Variants in C4orf50 observed in about 807,000 individuals in gnomAD.
The protein encoded by C4orf50 is uncharacterized protein C4orf50.
A neutral mutation model predicts 77.2 loss-of-function variants in C4orf50; 80 were observed. The ratio of observed to expected loss-of-function variants is 1.04; its 90% confidence interval spans 0.87 to 1.25. The LOEUF (loss-of-function observed/expected upper bound fraction) is 1.25. Among genes scored for constraint, C4orf50 ranks in the 50% most tolerant of loss-of-function variants. C4orf50 has a pLI of 0.00. For missense variants in C4orf50, 1,257 were observed against 1,152.9 expected (o/e 1.09, Z -1.31); for synonymous variants, 532 against 465.3 (o/e 1.14, Z -1.84).
At chr4:5,959,335 A>G (rs1259008066) in exon 34 of C4orf50, 4 of 1,591,274 alleles carry the variant, frequency 2.5e-6, no homozygotes, top group Admixed American at 1.7e-5. Flanking sequence ...TCAAATATTT[A>G]TGGAGTCTAT....
At chr4:6,001,087 C>T (rs1432866250) in intron 25 of C4orf50, among the ~76,000 whole-genome samples, 1 of 152,216 alleles carries the variant, frequency 6.6e-6, no homozygotes, top group Admixed American at 6.5e-5. Context: ...ATTCTCCTAA[C>T]CTGGTTTTTC....
chr4:5,994,943 CG>C (rs1560591865), intron 25 of C4orf50, among the ~76,000 whole-genome samples: 1 of 152,114 alleles, frequency 6.6e-6, no homozygotes, highest in East Asian at 1.9e-4. Flanking sequence ...TTGTGAACTG[CG>C]TAAGCGAGAG....
Position 5,919,305 on chromosome 4 carries a change from T to C in C4orf50, c.*2475-21117A>G, listed in dbSNP as rs973077923. On this transcript the variant is annotated intron_variant, in intron 7 of 7. Coordinates refer to the C4orf50 transcript ENST00000324058. This position sits in a 1 kb window ranked among gnomAD's most constrained non-coding sequence, Gnocchi z 6.5. ...GCCCGATTTCCATGGCTACCACAGC[T>C]CAGGAAGGTTCTAGAAGTCTGGATG... 6.6e-6 allele frequency among the ~76,000 whole-genome samples: 1 copy of C among 151,860 alleles called. No homozygotes were observed. Among genetic ancestry groups the C allele is most frequent in the African/African-American group, 2.4e-5 (1 of 41,308 alleles).
At chr4:5,928,923 T>C (rs1717639383) in intron 7 of C4orf50, among the ~76,000 whole-genome samples, 1 of 152,260 alleles carries the variant, frequency 6.6e-6, no homozygotes, top group Non-Finnish European at 1.5e-5. Context: ...TGGGGGGTTT[T>C]GACTTTGCAT....
At chr4:6,002,571 G>T (rs1422621476) in intron 25 of C4orf50, among the ~76,000 whole-genome samples, 1 of 152,200 alleles carries the variant, frequency 6.6e-6, no homozygotes, top group South Asian at 2.1e-4. Context: ...CTTGCCTGCT[G>T]CTGTCACTCT....
chr4:6,010,599 T>C (rs1235742614), intron 24 of C4orf50, among the ~76,000 whole-genome samples: 2 of 152,230 alleles, frequency 1.3e-5, no homozygotes, highest in African/African-American at 4.8e-5. Context: ...TGATTTTAAG[T>C]GCTAGTTGTA....
At chr4:5,994,173 G>T (rs1268567111) in intron 26 of C4orf50, among the ~76,000 whole-genome samples, 174 bp downstream of exon 4, 2 of 152,224 alleles carry the variant, frequency 1.3e-5, no homozygotes, top group Non-Finnish European at 2.9e-5. Context: ...ACCTGCAGCA[G>T]CTGTGTGACC....
intron 25 of C4orf50, among the ~76,000 whole-genome samples, chr4:6,003,688 G>T (rs528817604): frequency 6.7e-6 from 1 of 150,052 alleles, no homozygotes; most frequent in Non-Finnish European, 1.5e-5. Context: ...TAGTGATGAT[G>T]GTGATGATAG....
At position 5,919,946 on chromosome 4, in the gene C4orf50, C is replaced by T. The variant is rs902229522; in HGVS notation, c.*2475-21758G>A. 2.0e-5 allele frequency among the ~76,000 whole-genome samples: 3 copies of T among 152,214 alleles called. No individual in the cohort carries two copies. Among genetic ancestry groups the T allele is most frequent in the African/African-American group, 7.2e-5 (3 of 41,454 alleles). ...GAAAACTTAGTCTGTGTTCAACACG[C>T]ACAGACTTTTCTTGTCATCATTCCC... On this transcript the variant is annotated intron_variant, in intron 7 of 7. Coordinates refer to the C4orf50 transcript ENST00000324058. This position sits in a 1 kb window ranked among gnomAD's most constrained non-coding sequence, Gnocchi z 6.5.
intron 7 of C4orf50, among the ~76,000 whole-genome samples, chr4:5,927,910 T>A (rs1037981690): frequency 3.3e-5 from 5 of 152,134 alleles, no homozygotes; most frequent in African/African-American, 1.2e-4. Flanking sequence ...CCCCAACACC[T>A]GCCTGGGTCC....
chr4:5,940,241 G>A (rs889319625), intron 7 of C4orf50, among the ~76,000 whole-genome samples: 1 of 152,138 alleles, frequency 6.6e-6, no homozygotes, highest in African/African-American at 2.4e-5. Context: ...ATCCTTTATG[G>A]GAAATAAAGC....
intron 7 of C4orf50, among the ~76,000 whole-genome samples, chr4:5,910,661 A>C (rs1184317125): frequency 6.6e-6 from 1 of 152,170 alleles, no homozygotes; most frequent in Non-Finnish European, 1.5e-5. Context: ...TTCCTCAACC[A>C]ATAACCTCTC....
chr4:6,014,590 C>T (rs1172777913), intron 23 of C4orf50, among the ~76,000 whole-genome samples: 2 of 152,208 alleles, frequency 1.3e-5, no homozygotes, highest in African/African-American at 4.8e-5. Context: ...CCAGCTAGAC[C>T]CAAACACATT....
intron 33 of C4orf50, among the ~76,000 whole-genome samples, chr4:5,961,267 A>G (rs1164330691): frequency 6.6e-6 from 1 of 152,236 alleles, no homozygotes; most frequent in Non-Finnish European, 1.5e-5. Flanking sequence ...GTGAGCCGAG[A>G]TCGTGCCTCT....
downstream of C4orf50, among the ~76,000 whole-genome samples, chr4:5,953,505 T>G (rs1718817222): frequency 6.6e-6 from 1 of 152,146 alleles, no homozygotes; most frequent in Non-Finnish European, 1.5e-5. Context: ...AGGATGCAGG[T>G]GCTGGGACTA....
chr4:5,935,558 C>T (rs1169641567), intron 7 of C4orf50, among the ~76,000 whole-genome samples: 3 of 152,042 alleles, frequency 2.0e-5, no homozygotes, highest in Admixed American at 6.6e-5. Flanking sequence ...GAGGTCAAGG[C>T]AGGCGGATAA....
At position 6,011,368 on chromosome 4, in the gene C4orf50, C is replaced by A. The variant is rs1722488018; in HGVS notation, c.426+462G>T. ...CGTGCTGTCAGCCACGCCTCACATG[C>A]CCTTCCCAACAAGGCCCAGCTCACA... On this transcript the variant is annotated intron_variant, in intron 24 of 33. Coordinates refer to ENST00000531445, the Ensembl canonical transcript of C4orf50. This position sits in a 1 kb window ranked among gnomAD's most constrained non-coding sequence, Gnocchi z 4.2. Among the ~76,000 whole-genome samples, 1 of 152,126 alleles carries A rather than the reference C, an allele frequency of 6.6e-6. No individual in the cohort carries two copies. The highest frequency in any genetic ancestry group is 1.5e-5 in the Non-Finnish European group (1 of 68,010).
At chr4:5,943,911 A>T (rs551405955) in intron 7 of C4orf50, among the ~76,000 whole-genome samples, 316 of 152,298 alleles carry the variant, frequency 2.1e-3, no homozygotes, top group African/African-American at 7.1e-3. Flanking sequence ...AGATACAAAG[A>T]TGGATGCTGA....
intron 7 of C4orf50, among the ~76,000 whole-genome samples, chr4:5,921,472 G>A (rs1362545673): frequency 2.6e-5 from 4 of 152,232 alleles, no homozygotes; most frequent in Admixed American, 2.6e-4. Flanking sequence ...AGGGATGAAT[G>A]CCGTGAGACA....
Sources: gnomAD v4.1 joint callset for allele counts (sites outside exome capture counted in the v4.1 genomes callset) on GRCh38, gnomAD v4.1.1 for gene constraint, Gnocchi (gnomAD v3.1) non-coding constraint, MANE v1.5 for transcripts, NCBI Gene and HGNC (gene_info 2026-07-23, HGNC 2026-07-21) for gene names.